TRHDE: variants seen among roughly 807,000 people sequenced by gnomAD.
TRHDE encodes thyrotropin releasing hormone degrading enzyme, also known as thyrotropin-releasing hormone-degrading ectoenzyme.
A neutral mutation model predicts 125.7 loss-of-function variants in TRHDE; 72 were observed. The observed-to-expected ratio is 0.57, with a 90% confidence interval of 0.47 to 0.70. The LOEUF is 0.70. Ranked by LOEUF, TRHDE falls within the 30% of genes least tolerant of loss-of-function variation. TRHDE has a pLI of 0.00. For synonymous variants in TRHDE, 509 were observed against 509.1 expected, an observed-to-expected ratio of 1.00 and a Z score of 0.00; for missense variants, 1,110 against 1,327.1, an observed-to-expected ratio of 0.84 and a Z score of 2.54.
At chr12:72,456,706 T>C (rs1456142648) in intron 3 of TRHDE, among the ~76,000 whole-genome samples, 1 of 152,094 alleles carries the variant, frequency 6.6e-6, no homozygotes, top group African/African-American at 2.4e-5. Context: ...AAAAAAAATC[T>C]CTTCTCAGCA....
At chr12:72,270,684 C>T (rs1879176518), upstream of TRHDE, among the ~76,000 whole-genome samples, 1 of 152,198 alleles carries the variant, frequency 6.6e-6, no homozygotes, top group South Asian at 2.1e-4. Context: ...GCCAATCACA[C>T]TTTGTTTTAC....
chr12:72,568,027 G>C (rs1390009137), intron 9 of TRHDE, among the ~76,000 whole-genome samples: 1 of 151,962 alleles, frequency 6.6e-6, no homozygotes, highest in African/African-American at 2.4e-5. Flanking sequence ...TCTTTCTATT[G>C]ATCTGGATTG....
At chr12:72,619,443 T>C (rs1163257101) in intron 13 of TRHDE, among the ~76,000 whole-genome samples, 1 of 152,200 alleles carries the variant, frequency 6.6e-6, no homozygotes, top group Non-Finnish European at 1.5e-5. Context: ...AAGGGCATAC[T>C]GAATTCAATT....
chr12:72,119,511 C>T (rs557666238), intron 2 of TRHDE, among the ~76,000 whole-genome samples: 1 of 152,238 alleles, frequency 6.6e-6, no homozygotes, highest in African/African-American at 2.4e-5. Flanking sequence ...GTATATTCTG[C>T]AACTGTTGGA....
chr12:72,475,980 G>A (rs1876874205), intron 5 of TRHDE, among the ~76,000 whole-genome samples: 1 of 152,022 alleles, frequency 6.6e-6, no homozygotes, highest in African/African-American at 2.4e-5. Flanking sequence ...GCAGTGGCAC[G>A]ATCTTGGCTC....
chr12:72,099,613 A>C (rs1470321217), intron 1 of TRHDE, among the ~76,000 whole-genome samples: 1 of 152,176 alleles, frequency 6.6e-6, no homozygotes, highest in African/African-American at 2.4e-5. Context: ...TCTTATTAGC[A>C]TGTGGAATTT....
chr12:72,531,235 T>G (rs1477644865), intron 6 of TRHDE, among the ~76,000 whole-genome samples: 1 of 152,150 alleles, frequency 6.6e-6, no homozygotes, highest in Non-Finnish European at 1.5e-5. Flanking sequence ...ATGTTTTTCA[T>G]GTATTTATTG....
At chr12:72,421,776 C>A (rs1873965597) in intron 3 of TRHDE, among the ~76,000 whole-genome samples, 2 of 152,258 alleles carry the variant, frequency 1.3e-5, no homozygotes, top group Non-Finnish European at 2.9e-5. Context: ...GGAAAACCTG[C>A]AAGTCACTTC....
intron 3 of TRHDE, among the ~76,000 whole-genome samples, chr12:72,417,684 G>A (rs1873788781): frequency 6.6e-6 from 1 of 151,966 alleles, no homozygotes; most frequent in African/African-American, 2.4e-5. Context: ...TCTATTTGGT[G>A]CATATAATTC....
At chr12:72,175,222 A>G (rs1234202467) in intron 2 of TRHDE, among the ~76,000 whole-genome samples, 3 of 152,170 alleles carry the variant, frequency 2.0e-5, no homozygotes, top group Admixed American at 6.5e-5. Context: ...TATTTTAGAT[A>G]CCTCATCTAA....
chr12:72,425,028 C>G (rs1398524749), intron 3 of TRHDE, among the ~76,000 whole-genome samples: 1 of 151,978 alleles, frequency 6.6e-6, no homozygotes, highest in East Asian at 1.9e-4. Context: ...ACTATAAAAA[C>G]TTTACTCCTA....
At chr12:72,537,529 A>C (rs1024945251) in intron 6 of TRHDE, among the ~76,000 whole-genome samples, 1 of 152,062 alleles carries the variant, frequency 6.6e-6, no homozygotes, top group African/African-American at 2.4e-5. Context: ...AGGCTTCCCC[A>C]GCCATGTGGA....
chr12:72,285,134 A>G (rs1170063625), intron 1 of TRHDE, among the ~76,000 whole-genome samples: 1 of 152,228 alleles, frequency 6.6e-6, no homozygotes, highest in Non-Finnish European at 1.5e-5. Context: ...TAATTTAAAA[A>G]TAGTGTAAAA....
At chr12:72,594,393 T>C (rs921058967) in intron 12 of TRHDE, among the ~76,000 whole-genome samples, 11 of 151,804 alleles carry the variant, frequency 7.2e-5, no homozygotes, top group Non-Finnish European at 1.3e-4. Flanking sequence ...TAATTTTGTA[T>C]TTTTAGTGGA....
chr12:72,532,411 T>A (rs1868600885), intron 6 of TRHDE, among the ~76,000 whole-genome samples: 1 of 151,464 alleles, frequency 6.6e-6, no homozygotes. Flanking sequence ...TTTACTGCTT[T>A]ATTTTTTAAA....
intron 6 of TRHDE, among the ~76,000 whole-genome samples, chr12:72,503,613 A>G (rs543495150): frequency 6.6e-6 from 1 of 152,324 alleles, no homozygotes; most frequent in South Asian, 2.1e-4. Flanking sequence ...TAAATTTGAT[A>G]TGTAGTATTA....
At chr12:72,520,752 A>G (rs947415445) in intron 6 of TRHDE, among the ~76,000 whole-genome samples, 2 of 152,186 alleles carry the variant, frequency 1.3e-5, no homozygotes, top group Admixed American at 6.5e-5. Context: ...TTTTTTAGAA[A>G]TGGAGCTCTG....
chr12:72,415,033 G>A (rs148664389), intron 3 of TRHDE, among the ~76,000 whole-genome samples: 2 of 151,986 alleles, frequency 1.3e-5, no homozygotes, highest in Non-Finnish European at 2.9e-5. Context: ...TTTGACAGGG[G>A]CTCCTACTGT....
Position 72,553,486 on chromosome 12 carries a change from T to C in TRHDE, c.1789-8679T>C, listed in dbSNP as rs182259906. On this transcript the variant is annotated intron_variant, in intron 7 of 18. Transcript: ENST00000261180. Reference sequence around the variant, plus strand: ...AAGATTAGTGTCTTTATTGCATTAGTGCCAGCTTGGGTAAGTCTCTTTTGT... The same window carrying C: ...AAGATTAGTGTCTTTATTGCATTAGCGCCAGCTTGGGTAAGTCTCTTTTGT... Among the ~76,000 whole-genome samples the C allele has an allele frequency of 2.2e-3, 336 of 152,260 alleles. 2 individuals carry two copies. Among genetic ancestry groups the C allele is most frequent in the African/African-American group, 7.6e-3 (314 of 41,556 alleles).
Sources: allele counts gnomAD v4.1 joint callset (sites outside exome capture counted in the v4.1 genomes callset), GRCh38; gene constraint gnomAD v4.1.1; transcripts MANE v1.5; gene names NCBI Gene and HGNC (gene_info 2026-07-23, HGNC 2026-07-21).